The following MCM9 variants were observed in gnomAD, a reference collection of about 807,000 sequenced individuals.
MCM9 encodes minichromosome maintenance 9 homologous recombination repair factor.
Under a neutral mutation model 72.8 loss-of-function variants are expected in MCM9, and 55 were observed. That is an observed-to-expected ratio of 0.76 (90% CI 0.61 to 0.95). The LOEUF is 0.95. Among genes scored for constraint, MCM9 ranks in the 40% least tolerant of loss-of-function variants. The probability of loss-of-function intolerance (pLI) is 0.00; values close to 1 mark genes in which losing one functional copy is unlikely to be tolerated. For missense variants in MCM9, 1,279 were observed against 1,377.0 expected (o/e 0.93, Z 1.13); for synonymous variants, 480 against 503.4 (o/e 0.95, Z 0.62).
chr6:118,905,384 T>A (rs967614734), intron 8 of MCM9, among the ~76,000 whole-genome samples: 31 of 152,332 alleles, frequency 2.0e-4, no homozygotes, highest in Non-Finnish European at 3.7e-4. Flanking sequence ...TGAACCACCA[T>A]GCAGTGTAGC....
At chr6:118,822,018 G>C (rs1331905526) in intron 13 of MCM9, among the ~76,000 whole-genome samples, 1 of 152,138 alleles carries the variant, frequency 6.6e-6, no homozygotes. Context: ...CCAGTTAGCA[G>C]TTCCTGTAAT....
At chr6:118,858,640 T>A (rs532650817) in intron 8 of MCM9, among the ~76,000 whole-genome samples, 9 of 152,196 alleles carry the variant, frequency 5.9e-5, no homozygotes, top group Admixed American at 3.3e-4. Context: ...CAACTAGAAC[T>A]AGTAAACGAG....
rs1184487540 is a variant in MCM9 at position 118,931,711 on chromosome 6, G to C, written c.13C>G (p.Gln5Glu). The change falls in exon 3 of 14, where the codon CAA becomes GAA. Residue 5 changes from glutamine (Q) to glutamate (E), a missense_variant. Transcript: ENST00000619706. ...AACACTTGACCAACCAGTGTAACTT[G>C]ATCGCTATTCATCTTGAATCTAGGT... Reference protein sequence around the residue: MNSDQVTLVGQVFES... With the variant: MNSDEVTLVGQVFES... The C allele has an allele frequency of 1.2e-6, 2 of 1,607,912 alleles. No individual in the cohort carries two copies. The highest frequency in any genetic ancestry group is 1.7e-6 in the Non-Finnish European group (2 of 1,176,016).
chr6:118,819,959 T>C (rs867193630), intron 13 of MCM9, among the ~76,000 whole-genome samples: 3 of 152,008 alleles, frequency 2.0e-5, no homozygotes, highest in South Asian at 2.1e-4. Flanking sequence ...GTGGGATCAG[T>C]TGTGGTATCC....
At chr6:118,867,010 G>A (rs1777257073) in intron 8 of MCM9, among the ~76,000 whole-genome samples, 1 of 151,746 alleles carries the variant, frequency 6.6e-6, no homozygotes, top group Non-Finnish European at 1.5e-5. Context: ...GGTCAGAAGA[G>A]AGTGAGATGA....
At chr6:118,870,759 G>T (rs1777548681) in intron 8 of MCM9, among the ~76,000 whole-genome samples, 1 of 151,900 alleles carries the variant, frequency 6.6e-6, no homozygotes, top group African/African-American at 2.4e-5. Flanking sequence ...CTCAAAATCA[G>T]AAATGAAAAG....
At position 118,886,925 on chromosome 6, in the gene MCM9, A is replaced by T. The variant is rs150036580; in HGVS notation, c.1150+24725T>A. On this transcript the variant is annotated intron_variant, in intron 8 of 13. Transcript: ENST00000619706. ...GGCTGCAGTGAGCTATCATTGTGCC[A>T]CTGTGCTCCAGCCTAAAAAACAGAG... Among the ~76,000 whole-genome samples, 706 of 152,294 alleles carry T rather than the reference A, an allele frequency of 4.6e-3. 4 individuals are homozygous for T. Among genetic ancestry groups the T allele is most frequent in the Non-Finnish European group, 6.7e-3 (453 of 68,014 alleles).
chr6:118,843,247 A>G (rs1025278909), intron 9 of MCM9, among the ~76,000 whole-genome samples: 1 of 152,078 alleles, frequency 6.6e-6, no homozygotes, highest in African/African-American at 2.4e-5. Flanking sequence ...GCAATTTGTG[A>G]AATCACAGTT....
chr6:118,899,482 T>G (rs1329311194), intron 8 of MCM9, among the ~76,000 whole-genome samples: 1 of 152,150 alleles, frequency 6.6e-6, no homozygotes, highest in East Asian at 1.9e-4. Context: ...ATACTTATAT[T>G]GCCTACTTCC....
intron 6 of MCM9, among the ~76,000 whole-genome samples, chr6:118,914,922 C>A (rs1055166805): frequency 1.3e-5 from 2 of 152,094 alleles, no homozygotes; most frequent in Non-Finnish European, 2.9e-5. Context: ...TTCTTGTCTG[C>A]AAAATGGAGA....
intron 9 of MCM9, among the ~76,000 whole-genome samples, chr6:118,847,088 A>C (rs1775918390): frequency 6.6e-6 from 1 of 151,850 alleles, no homozygotes; most frequent in African/African-American, 2.4e-5. Flanking sequence ...ACCAAAAAGC[A>C]GAAGATGTAT....
At chr6:118,833,265 TGA>T (rs1208651090) in intron 9 of MCM9, among the ~76,000 whole-genome samples, 1 of 151,916 alleles carries the variant, frequency 6.6e-6, no homozygotes, top group African/African-American at 2.4e-5. Context: ...CAAAGAGAAA[TGA>T]AAAGCAATGA....
chr6:118,815,522 G>C lies in MCM9; in HGVS notation c.2734C>G (p.Pro912Ala). ...VEEPAIENVK[P>A]PGSPVAKLAK... ...AGTTTGGCCACAGGGGAACCTGGAG[G>C]CTTAACATTTTCAATTGCAGGCTCT... The change falls in exon 14 of 14, where the codon CCT (proline) becomes GCT (alanine). Residue 912 changes from proline to alanine, a missense_variant. By Grantham distance (27) the Pro-to-Ala change is conservative. Coordinates refer to ENST00000619706, the MANE Select transcript of MCM9 (RefSeq NM_017696.3). The C allele has an allele frequency of 6.5e-7, 1 of 1,548,520 alleles. No individual in the cohort carries two copies. Among genetic ancestry groups the C allele is most frequent in the Non-Finnish European group, 8.7e-7 (1 of 1,146,400 alleles).
chr6:118,869,980 C>T (rs941902444), intron 8 of MCM9, among the ~76,000 whole-genome samples: 2 of 152,164 alleles, frequency 1.3e-5, no homozygotes, highest in African/African-American at 4.8e-5. Context: ...ATGCACCCAA[C>T]ACCACAGCAC....
intron 8 of MCM9, among the ~76,000 whole-genome samples, chr6:118,858,751 CAG>C (rs1290226139): frequency 6.6e-6 from 1 of 152,012 alleles, no homozygotes; most frequent in African/African-American, 2.4e-5. Context: ...AAAACACTGA[CAG>C]AGGAAATCAT....
intron 8 of MCM9, chr6:118,907,437 C>T: frequency 6.2e-7 from 1 of 1,609,724 alleles, no homozygotes; most frequent in African/African-American, 1.3e-5. Flanking sequence ...ATCCCAGGGT[C>T]ACAAGATTCC....
At position 118,865,255 on chromosome 6, in the gene MCM9, C is replaced by T. The variant is rs543873145; in HGVS notation, c.1151-8710G>A. On this transcript the variant is annotated intron_variant, in intron 8 of 13. Transcript: ENST00000619706. ...TATGGGCATGTAGGCATTTCAGGGACGTCATACCATAGGGGCAGTGCAGAG... is the reference window on the plus strand; with the variant it reads ...TATGGGCATGTAGGCATTTCAGGGATGTCATACCATAGGGGCAGTGCAGAG... 3.3e-5 allele frequency among the ~76,000 whole-genome samples: 5 copies of T among 152,144 alleles called. No individual in the cohort carries two copies. The East Asian group carries it at 5.8e-4, about 18-fold the overall frequency.
At chr6:118,872,335 T>C (rs1309752937) in intron 8 of MCM9, among the ~76,000 whole-genome samples, 1 of 131,368 alleles carries the variant, frequency 7.6e-6, no homozygotes. Context: ...AAAAAGAAAA[T>C]AGTAACAAAA....
intron 8 of MCM9, chr6:118,905,699 C>T (rs1562432401): frequency 2.5e-6 from 4 of 1,613,370 alleles, no homozygotes; most frequent in Non-Finnish European, 3.4e-6. Flanking sequence ...ATGCAGTAGG[C>T]GTAACTGTTG....
Sources: allele counts gnomAD v4.1 joint callset (sites outside exome capture counted in the v4.1 genomes callset), GRCh38; gene constraint gnomAD v4.1.1; transcripts MANE v1.5; gene names NCBI Gene and HGNC (gene_info 2026-07-23, HGNC 2026-07-21).